Variants in EPB41L5 observed in about 807,000 individuals in gnomAD.
EPB41L5 encodes the protein band 4.1-like protein 5.
Under a neutral mutation model 106.6 loss-of-function variants are expected in EPB41L5, and 55 were observed. The observed-to-expected ratio is 0.52, with a 90% CI of 0.42 to 0.65. The LOEUF (loss-of-function observed/expected upper bound fraction) is 0.65, where lower values mean the gene tolerates loss of function less well. Among genes scored for constraint, EPB41L5 ranks in the 30% least tolerant of loss-of-function variants. EPB41L5 has a pLI of 0.00. For missense variants in EPB41L5, 871 were observed against 882.1 expected (o/e 0.99, Z 0.16); for synonymous variants, 297 against 306.7 (o/e 0.97, Z 0.33).
At chr2:120,171,638 C>T (rs900363244) in intron 24 of EPB41L5, among the ~76,000 whole-genome samples, 1 of 152,200 alleles carries the variant, frequency 6.6e-6, no homozygotes, top group Non-Finnish European at 1.5e-5. Flanking sequence ...GGCTTATTCT[C>T]TGGAGAAGCC....
At chr2:120,104,880 A>G (rs1034916557) in intron 16 of EPB41L5, 1 of 977,002 alleles carries the variant, frequency 1.0e-6, no homozygotes, top group Admixed American at 6.2e-5. Context: ...CTGAATGGTT[A>G]GTTTTGAATG....
chr2:120,133,453 C>T (rs1685791186), intron 18 of EPB41L5, among the ~76,000 whole-genome samples: 1 of 152,108 alleles, frequency 6.6e-6, no homozygotes, highest in Non-Finnish European at 1.5e-5. Context: ...AGGGAGAGCA[C>T]AGTGACTATG....
chr2:120,164,607 G>C (rs1687307792), intron 21 of EPB41L5, among the ~76,000 whole-genome samples: 1 of 152,152 alleles, frequency 6.6e-6, no homozygotes, highest in Non-Finnish European at 1.5e-5. Flanking sequence ...ATAGCTATTT[G>C]AAAATTTACA....
chr2:120,109,459 C>T (rs1489750106), intron 16 of EPB41L5, among the ~76,000 whole-genome samples: 1 of 152,200 alleles, frequency 6.6e-6, no homozygotes, highest in Non-Finnish European at 1.5e-5. Flanking sequence ...AAGAGGTCTT[C>T]TCTGTACTCC....
At chr2:120,073,965 T>G in intron 4 of EPB41L5, 135 bp from the exon 5 acceptor site, 2 of 626,644 alleles carry the variant, frequency 3.2e-6, no homozygotes, top group Non-Finnish European at 5.6e-6. Context: ...TTGAAGCCTA[T>G]GATCTAACCT....
intron 3 of EPB41L5, 68 bp from the exon 4 acceptor site, chr2:120,073,108 CTT>C: frequency 7.2e-7 from 1 of 1,388,016 alleles, no homozygotes. Context: ...TGAAAAGTAA[CTT>C]TTAGTAATTC....
At chr2:120,018,331 A>G (rs767404886) in intron 1 of EPB41L5, among the ~76,000 whole-genome samples, 1 of 152,212 alleles carries the variant, frequency 6.6e-6, no homozygotes, top group African/African-American at 2.4e-5. Context: ...TGGGATATAC[A>G]AGATGTTGTA....
chr2:120,019,036 A>G, intron 1 of EPB41L5, 41 bp from the exon 2 acceptor site: 1 of 1,535,162 alleles, frequency 6.5e-7, no homozygotes, highest in Non-Finnish European at 8.8e-7. Context: ...GGAGAATCTC[A>G]TTTTTTTCCT....
chr2:120,018,056 G>A (rs2105115479), intron 1 of EPB41L5, among the ~76,000 whole-genome samples: 1 of 151,998 alleles, frequency 6.6e-6, no homozygotes, highest in African/African-American at 2.4e-5. Context: ...CCACCTCCCG[G>A]GTTCATGCCA....
chr2:120,133,535 G>A (rs2166436), intron 18 of EPB41L5, among the ~76,000 whole-genome samples: 87,135 of 152,024 alleles, frequency 0.57, 26,942 homozygotes, highest in Middle Eastern at 0.68. Context: ...GCACAATTTC[G>A]CTGGTGCCCA....
intron 10 of EPB41L5, among the ~76,000 whole-genome samples, chr2:120,081,629 T>A (rs1457127634): frequency 2.0e-5 from 3 of 152,220 alleles, no homozygotes; most frequent in Admixed American, 2.0e-4. Flanking sequence ...AAAGTAGTTT[T>A]TTCCAATTCT....
intron 20 of EPB41L5, among the ~76,000 whole-genome samples, chr2:120,153,124 T>C (rs566871009): frequency 2.0e-5 from 3 of 152,314 alleles, no homozygotes; most frequent in African/African-American, 7.2e-5. Context: ...TATTTTTAAA[T>C]GTAGGGATTT....
intron 20 of EPB41L5, among the ~76,000 whole-genome samples, chr2:120,158,176 G>A (rs1193155228): frequency 6.6e-6 from 1 of 152,200 alleles, no homozygotes; most frequent in Admixed American, 6.6e-5. Context: ...GTGCAAAGAA[G>A]TGCTGGTACC....
intron 20 of EPB41L5, among the ~76,000 whole-genome samples, chr2:120,148,851 T>C (rs1400231414): frequency 6.6e-6 from 1 of 152,204 alleles, no homozygotes; most frequent in African/African-American, 2.4e-5. Flanking sequence ...TAAATATACT[T>C]TCAGTTCTCC....
At chr2:120,134,039 C>T (rs182965296) in intron 18 of EPB41L5, among the ~76,000 whole-genome samples, 1 of 152,176 alleles carries the variant, frequency 6.6e-6, no homozygotes, top group East Asian at 1.9e-4. Context: ...GGAAAGTATC[C>T]AGTCCTGGCA....
chr2:120,115,683 C>A (rs1684917078), intron 16 of EPB41L5, among the ~76,000 whole-genome samples: 1 of 152,152 alleles, frequency 6.6e-6, no homozygotes, highest in Non-Finnish European at 1.5e-5. Flanking sequence ...AGCCACCATG[C>A]CTGGCCCTCT....
Position 120,178,805 on chromosome 2 carries a change from G to A in EPB41L5, c.*3898G>A, listed in dbSNP as rs1268269291. On this transcript the variant is annotated 3_prime_UTR_variant, in exon 25 of 25. Coordinates refer to ENST00000263713, the MANE Select transcript of EPB41L5 (RefSeq NM_020909.4). Reference sequence around the variant, plus strand: ...CCACATTGCTTGAGATGATCATTCAGTTACTTGTCAGGATTTCTCCTCTTC... The same window carrying A: ...CCACATTGCTTGAGATGATCATTCAATTACTTGTCAGGATTTCTCCTCTTC... 1.3e-5 allele frequency: 2 copies of A among 152,174 alleles called. No individual in the cohort carries two copies. Among genetic ancestry groups the A allele is most frequent in the Non-Finnish European group, 2.9e-5 (2 of 68,036 alleles). 9.4% of individuals were successfully genotyped at this position (152,174 alleles called of 1,614,324 possible).
At chr2:120,146,599 T>C (rs539758203) in intron 20 of EPB41L5, among the ~76,000 whole-genome samples, 4 of 152,368 alleles carry the variant, frequency 2.6e-5, no homozygotes, top group African/African-American at 9.6e-5. Context: ...CAGTAAACTT[T>C]CATGTCATCC....
chr2:120,026,798 C>CGACA (rs1276631467), intron 2 of EPB41L5, among the ~76,000 whole-genome samples: 1 of 152,178 alleles, frequency 6.6e-6, no homozygotes, highest in Non-Finnish European at 1.5e-5. Context: ...AGTTACAAGA[C>CGACA]TGTCACACAG....
Sources: allele counts gnomAD v4.1 joint callset (sites outside exome capture counted in the v4.1 genomes callset), GRCh38; gene constraint gnomAD v4.1.1; transcripts MANE v1.5; gene names NCBI Gene and HGNC (gene_info 2026-07-23, HGNC 2026-07-21).